The following PLXDC1 variants were observed in gnomAD, a reference collection of about 807,000 sequenced individuals.
PLXDC1 encodes plexin domain containing 1, also known as plexin domain-containing protein 1.
PLXDC1 carries 39 observed loss-of-function variants against 61.3 expected under a neutral mutation model. The ratio of observed to expected loss-of-function variants is 0.64; its 90% CI spans 0.49 to 0.83. The LOEUF is 0.83. Ranked by LOEUF, PLXDC1 falls within the 40% of genes least tolerant of loss-of-function variation. The probability of loss-of-function intolerance (pLI) is 0.00; values close to 1 mark genes in which losing one functional copy is unlikely to be tolerated. For missense variants in PLXDC1, 596 were observed against 666.5 expected, an observed-to-expected ratio of 0.89 and a Z score of 1.17; for synonymous variants, 212 against 254.5, an observed-to-expected ratio of 0.83 and a Z score of 1.59.
intron 2 of PLXDC1, among the ~76,000 whole-genome samples, chr17:39,120,449 C>T (rs1269783878): frequency 6.6e-6 from 1 of 152,170 alleles, no homozygotes; most frequent in African/African-American, 2.4e-5. Flanking sequence ...TGACATATCA[C>T]ATGACATATC....
intron 13 of PLXDC1, among the ~76,000 whole-genome samples, chr17:39,069,616 A>G (rs1232592313): frequency 6.6e-6 from 1 of 152,186 alleles, no homozygotes; most frequent in African/African-American, 2.4e-5. Context: ...AAATGGGGGA[A>G]CAAAAGCAGA....
intron 1 of PLXDC1, among the ~76,000 whole-genome samples, chr17:39,141,349 A>G (rs8064842): frequency 0.12 from 18,059 of 152,192 alleles, 2,246 homozygotes; most frequent in African/African-American, 0.32. Context: ...TATGATTTTG[A>G]CTACTCTAAG....
rs79734491 is a variant in PLXDC1 at position 39,074,713 on chromosome 17, A to G, written c.1187-2228T>C. 3.9e-3 allele frequency among the ~76,000 whole-genome samples: 596 copies of G among 152,140 alleles called. 24 individuals carry two copies. The East Asian group carries it at 0.092, about 23-fold the overall frequency. ...CTCTGACACTGTGCCTCCACCAGACACTGTCTGGCTAAACCCTCTGGGTGG... is the reference window on the plus strand; with the variant it reads ...CTCTGACACTGTGCCTCCACCAGACGCTGTCTGGCTAAACCCTCTGGGTGG... On this transcript the variant is annotated intron_variant, in intron 11 of 13. Coordinates refer to ENST00000315392, the MANE Select transcript of PLXDC1 (RefSeq NM_020405.5).
Position 39,151,498 on chromosome 17 carries a change from CCCT to C in PLXDC1, c.-64_-62del. The C allele has an allele frequency of 8.1e-7, 1 of 1,231,380 alleles. No individual in the cohort carries two copies. The highest frequency in any genetic ancestry group is 1.0e-6 in the Non-Finnish European group (1 of 986,704). 76.3% of individuals were successfully genotyped at this position (1,231,380 alleles called of 1,614,324 possible). A position where few individuals can be genotyped will look rare whatever the true frequency, so the allele number is the denominator to read the frequency against. ...GCCCCGGTCCTGACGAGGGAGGGGG[CCCT>C]GGCTCAGGCTGCGGCCGCGCGGTCC... On this transcript the variant is annotated 5_prime_UTR_variant, in exon 1 of 14. Coordinates refer to ENST00000315392, the MANE Select transcript of PLXDC1 (RefSeq NM_020405.5). The surrounding 1 kb of genome is among the most constrained non-coding windows in gnomAD (Gnocchi z 5.2).
intron 7 of PLXDC1, among the ~76,000 whole-genome samples, chr17:39,093,693 G>C (rs1910038095): frequency 1.3e-5 from 2 of 148,964 alleles, no homozygotes; most frequent in Admixed American, 1.4e-4. Context: ...TCCGGCCTGG[G>C]CGACAGAGAA....
chr17:39,098,205 CAAAAAAAA>C (rs56027303), intron 7 of PLXDC1, among the ~76,000 whole-genome samples: 5,955 of 101,484 alleles, frequency 0.059, 503 homozygotes, highest in African/African-American at 0.2. Flanking sequence ...AACTCCATCT[CAAAAAAAA>C]AAAAAAAAAA....
intron 7 of PLXDC1, among the ~76,000 whole-genome samples, chr17:39,104,014 CT>C (rs1910512139): frequency 6.6e-6 from 1 of 152,146 alleles, no homozygotes; most frequent in South Asian, 2.1e-4. Flanking sequence ...GGCATCTGAC[CT>C]GCGACACCAG....
chr17:39,090,791 G>A (rs76417861), intron 7 of PLXDC1, among the ~76,000 whole-genome samples: 3,329 of 152,244 alleles, frequency 0.022, 47 homozygotes, highest in Non-Finnish European at 0.034. Flanking sequence ...ACCCCTCAAA[G>A]TCCACCTTAA....
chr17:39,067,622 G>C lies in PLXDC1; in HGVS notation c.*218C>G, dbSNP rs988223083. On this transcript the variant is annotated 3_prime_UTR_variant, in exon 14 of 14. Coordinates refer to ENST00000315392, the MANE Select transcript of PLXDC1 (RefSeq NM_020405.5). Reference sequence around the variant, plus strand: ...CTTGCATCAAAACAGGATGAGATTAGGTTGTTGTTCCTATAAAAAATCCAT... The same window carrying C: ...CTTGCATCAAAACAGGATGAGATTACGTTGTTGTTCCTATAAAAAATCCAT... The C allele has an allele frequency of 5.9e-6, 3 of 505,958 alleles. No homozygotes were observed. Among genetic ancestry groups the C allele is most frequent in the Non-Finnish European group, 1.1e-5 (3 of 283,016 alleles). 31.3% of individuals were successfully genotyped at this position (505,958 alleles called of 1,614,324 possible). A position where few individuals can be genotyped will look rare whatever the true frequency, so the allele number is the denominator to read the frequency against.
intron 9 of PLXDC1, among the ~76,000 whole-genome samples, chr17:39,082,288 C>T (rs531790522): frequency 5.3e-5 from 8 of 152,176 alleles, no homozygotes; most frequent in East Asian, 3.9e-4. Flanking sequence ...TCACTGGGGC[C>T]GGGGCAGTGG....
intron 1 of PLXDC1, among the ~76,000 whole-genome samples, chr17:39,143,963 C>T (rs928748160): frequency 2.0e-5 from 3 of 152,188 alleles, no homozygotes; most frequent in Non-Finnish European, 4.4e-5. Context: ...CTCCCCAGGT[C>T]TTCCTGCAAG....
intron 1 of PLXDC1, among the ~76,000 whole-genome samples, chr17:39,142,011 T>A: frequency 6.6e-6 from 1 of 152,202 alleles, no homozygotes; most frequent in East Asian, 1.9e-4. Context: ...GGATTGTTGG[T>A]TGGACTGGAT....
At chr17:39,077,193 A>G (rs1435560300) in intron 11 of PLXDC1, among the ~76,000 whole-genome samples, 1 of 152,082 alleles carries the variant, frequency 6.6e-6, no homozygotes, top group Non-Finnish European at 1.5e-5. Context: ...GAAAAAGGAT[A>G]AGGGAGAGGA....
chr17:39,076,091 GA>G (rs113083788), intron 11 of PLXDC1, among the ~76,000 whole-genome samples: 19,697 of 88,112 alleles, frequency 0.22, 1,719 homozygotes, highest in Non-Finnish European at 0.31. Flanking sequence ...AAAAAAAAAA[GA>G]AAAAAAAAAA....
At chr17:39,132,465 C>T (rs993750213) in intron 2 of PLXDC1, among the ~76,000 whole-genome samples, 2 of 152,176 alleles carry the variant, frequency 1.3e-5, no homozygotes, top group Non-Finnish European at 2.9e-5. Flanking sequence ...GGACAAGAGT[C>T]CTGTTTCCAC....
intron 1 of PLXDC1, among the ~76,000 whole-genome samples, chr17:39,143,690 G>A (rs1322555393): frequency 6.6e-6 from 1 of 152,228 alleles, no homozygotes; most frequent in Non-Finnish European, 1.5e-5. Flanking sequence ...GGCTGCTGGC[G>A]CCTACTGGAC....
Position 39,107,429 on chromosome 17 carries a change from C to A in PLXDC1, c.689G>T (p.Arg230Leu). The A allele has an allele frequency of 6.2e-7, 1 of 1,610,996 alleles. No homozygotes were observed. Residue 230 changes from arginine (R) to leucine (L), a missense_variant, in exon 6 of 14, where the codon CGC becomes CTC. Coordinates refer to ENST00000315392, the MANE Select transcript of PLXDC1 (RefSeq NM_020405.5). ...CACCTCTTTATAGGCAAAGACAATG[C>A]GGCCGTCATGGTGCAGAGCTGCCTG... ...TFQAALHHDG[R>L]IVFAYKEIPM...
chr17:39,121,737 T>C (rs1911165431), intron 2 of PLXDC1, among the ~76,000 whole-genome samples: 2 of 152,164 alleles, frequency 1.3e-5, no homozygotes, highest in African/African-American at 4.8e-5. Flanking sequence ...TTAAACCATA[T>C]TTCCCAGCCC....
rs970006708 is a variant in PLXDC1, at chr17:39,151,326, C to T, written c.76+36G>A. 5.4e-5 allele frequency: 68 copies of T among 1,264,972 alleles called. No homozygotes were observed. Among genetic ancestry groups the T allele is most frequent in the Non-Finnish European group, 6.3e-5 (63 of 1,003,826 alleles). 78.4% of individuals were successfully genotyped at this position (1,264,972 alleles called of 1,614,324 possible). A position where few individuals can be genotyped will look rare whatever the true frequency, so the allele number is the denominator to read the frequency against. On this transcript the variant is annotated intron_variant, in intron 1 of 13. Transcript: ENST00000315392. This position sits in a 1 kb window ranked among gnomAD's most constrained non-coding sequence, Gnocchi z 5.2. The stretch of plus-strand genomic sequence containing the variant: ...CACCTGACTGCCCGTCCCTCCCCGC[C>T]CCCGGCCCACCCGGGCCGGCTCCCG...
Sources: allele counts gnomAD v4.1 joint callset (sites outside exome capture counted in the v4.1 genomes callset), GRCh38; gene constraint gnomAD v4.1.1; non-coding constraint Gnocchi (gnomAD v3.1); transcripts MANE v1.5; gene names NCBI Gene and HGNC (gene_info 2026-07-23, HGNC 2026-07-21).